Variants in PTPN4 observed in about 807,000 individuals in gnomAD.
PTPN4 encodes the protein tyrosine-protein phosphatase non-receptor type 4.
Under a neutral mutation model 135.5 loss-of-function variants are expected in PTPN4, and 49 were observed. The ratio of observed to expected loss-of-function variants is 0.36; its 90% CI spans 0.29 to 0.46. The LOEUF (loss-of-function observed/expected upper bound fraction) is 0.46. Among genes scored for constraint, PTPN4 ranks in the 20% least tolerant of loss-of-function variants. The pLI is 1.00. For synonymous variants in PTPN4, 333 were observed against 369.9 expected (o/e 0.90, Z 1.14); for missense variants, 860 against 1,101.0 (o/e 0.78, Z 3.10).
chr2:119,932,521 T>C lies in PTPN4; in HGVS notation c.1168T>C (p.Ser390Pro), dbSNP rs781516454. ...CAGGTTAGAAACACAAAGTCTTCCA[T>C]CACGATCTCCACCGGGAACTCCTAA... ...DDRLETQSLP[S>P]RSPPGTPNHR... is the part of the protein sequence containing the mutation. Residue 390 changes from serine (S) to proline (P), a missense_variant, in exon 14 of 27, where the codon TCA (serine) becomes CCA (proline). This residue lies in a region of PTPN4 where 684 missense variants were observed against 807.0 expected (regional missense o/e 0.85). Transcript: ENST00000263708. 33 of 1,612,100 alleles carry C rather than the reference T, an allele frequency of 2.0e-5. No homozygotes were observed. The South Asian group carries it at 3.6e-4, about 18-fold the overall frequency.
At chr2:119,830,111 A>G (rs1246073563) in intron 2 of PTPN4, among the ~76,000 whole-genome samples, 1 of 152,162 alleles carries the variant, frequency 6.6e-6, no homozygotes, top group South Asian at 2.1e-4. Context: ...CCATAGTCAC[A>G]AAGGTGTGTA....
chr2:119,855,236 T>C (rs896881159), intron 2 of PTPN4, among the ~76,000 whole-genome samples: 2 of 152,282 alleles, frequency 1.3e-5, no homozygotes, highest in African/African-American at 4.8e-5. Context: ...TAGATCTCTT[T>C]GTCCAGCATA....
rs756879808 is a variant in PTPN4, at chr2:119,900,804, A to G, written c.762A>G (p.Pro254=). The change falls in exon 10 of 27, where the codon CCA becomes CCG. Residue 254 remains proline (P), a splice_region_variant and synonymous_variant. Coordinates refer to ENST00000263708, the MANE Select transcript of PTPN4 (RefSeq NM_002830.4). ...YKNRVRMNTF[P]WLKIVKISFK... is the part of the protein sequence containing the mutation. ...ACAGGGTACGAATGAATACCTTTCCATGGTAAGAACATCTATTGATACTTT... is the reference window on the plus strand; with the variant it reads ...ACAGGGTACGAATGAATACCTTTCCGTGGTAAGAACATCTATTGATACTTT... 5.2e-6 allele frequency: 8 copies of G among 1,529,826 alleles called. No homozygotes were observed. Among genetic ancestry groups the G allele is most frequent in the African/African-American group, 4.1e-5 (3 of 72,352 alleles). 94.8% of individuals were successfully genotyped at this position (1,529,826 alleles called of 1,614,324 possible).
intron 1 of PTPN4, among the ~76,000 whole-genome samples, chr2:119,787,853 C>T (rs1691073657): frequency 6.6e-6 from 1 of 152,066 alleles, no homozygotes; most frequent in Non-Finnish European, 1.5e-5. Context: ...TGTATGTTTT[C>T]CACTTCTAGT....
At position 119,982,388 on chromosome 2, in the gene PTPN4, T is replaced by C. The variant is rs1679708772; in HGVS notation, c.*5318T>C. The C allele has an allele frequency of 6.6e-6, 1 of 152,188 alleles. No individual in the cohort carries two copies. Among genetic ancestry groups the C allele is most frequent in the African/African-American group, 2.4e-5 (1 of 41,446 alleles). The allele number at this position is 152,188 out of a possible 1,614,324, so 9.4% of individuals were successfully genotyped here. On this transcript the variant is annotated 3_prime_UTR_variant, in exon 27 of 27. Transcript: ENST00000263708. ...AATTATGGCTTGATTCTAAGGATACTCTATTTGTTTTAAAGTCTACACGGG... is the reference window on the plus strand; with the variant it reads ...AATTATGGCTTGATTCTAAGGATACCCTATTTGTTTTAAAGTCTACACGGG...
intron 13 of PTPN4, among the ~76,000 whole-genome samples, chr2:119,930,465 A>G (rs979756954): frequency 9.9e-5 from 15 of 152,146 alleles, no homozygotes; most frequent in Admixed American, 3.3e-4. Flanking sequence ...AAATCATAAA[A>G]TTCAGGAGGT....
intron 1 of PTPN4, among the ~76,000 whole-genome samples, chr2:119,782,714 CT>C (rs377756070): frequency 3.1e-4 from 37 of 120,226 alleles, no homozygotes; most frequent in South Asian, 1.0e-3. Flanking sequence ...CCCCACCCCC[CT>C]TTTTTTTTTT....
intron 14 of PTPN4, among the ~76,000 whole-genome samples, chr2:119,934,260 G>T (rs1678949639): frequency 6.6e-6 from 1 of 152,022 alleles, no homozygotes. Context: ...TTATAGTACT[G>T]TTATGAGGAT....
chr2:119,831,633 T>G (rs780384837), intron 2 of PTPN4, among the ~76,000 whole-genome samples: 3 of 152,200 alleles, frequency 2.0e-5, no homozygotes, highest in Non-Finnish European at 4.4e-5. Context: ...GTTAAACTCT[T>G]TAGCTCTGAA....
chr2:119,842,188 T>C (rs982968866), intron 2 of PTPN4, among the ~76,000 whole-genome samples: 8 of 152,214 alleles, frequency 5.3e-5, no homozygotes, highest in African/African-American at 1.9e-4. Context: ...TTGTTTTGTT[T>C]TGTTTTTGAT....
intron 1 of PTPN4, among the ~76,000 whole-genome samples, chr2:119,767,145 T>A (rs976532303): frequency 3.3e-5 from 5 of 152,216 alleles, no homozygotes; most frequent in Non-Finnish European, 4.4e-5. Flanking sequence ...ACCTCGTGCT[T>A]GGCTCAGTAA....
intron 13 of PTPN4, among the ~76,000 whole-genome samples, chr2:119,928,267 C>T (rs185924402): frequency 1.3e-5 from 2 of 152,140 alleles, no homozygotes; most frequent in East Asian, 3.9e-4. Flanking sequence ...TTTTAGGATT[C>T]CTCCCTTTAC....
chr2:119,973,655 GTT>G (rs70949378), intron 26 of PTPN4, among the ~76,000 whole-genome samples: 46 of 38,376 alleles, frequency 1.2e-3, no homozygotes, highest in African/African-American at 2.9e-3. Context: ...TTCATTTCTT[GTT>G]TTTTTTTTTT....
chr2:119,931,433 C>CTTTTTTTTTTTTTT lies in PTPN4; in HGVS notation c.1071-978_1071-965dup, dbSNP rs1158907026. Among the ~76,000 whole-genome samples the CTTTTTTTTTTTTTT allele has an allele frequency of 1.3e-4, 11 of 83,364 alleles. 1 individual carries two copies. Among genetic ancestry groups the CTTTTTTTTTTTTTT allele is most frequent in the African/African-American group, 2.5e-4 (5 of 20,158 alleles). The allele number at this position is 83,364 out of a possible 152,430, so 54.7% of individuals were successfully genotyped here. A position where few individuals can be genotyped will look rare whatever the true frequency, so the allele number is the denominator to read the frequency against. ...TATGAAGATCTTTCTTTCTTTCTTT[C>CTTTTTTTTTTTTTT]TTTTTTTTTTTTTTTTTTTTTTTTT... On this transcript the variant is annotated intron_variant, in intron 13 of 26. Coordinates refer to ENST00000263708, the MANE Select transcript of PTPN4 (RefSeq NM_002830.4).
chr2:119,855,970 A>T (rs1000949607), intron 2 of PTPN4, among the ~76,000 whole-genome samples: 1 of 151,658 alleles, frequency 6.6e-6, no homozygotes, highest in Admixed American at 6.6e-5. Context: ...GCACCCAGCT[A>T]ATTTTTTGTA....
At position 119,983,374 on chromosome 2, in the gene PTPN4, C is replaced by T. The variant is rs1337183714; in HGVS notation, c.*6304C>T. On this transcript the variant is annotated 3_prime_UTR_variant, in exon 27 of 27. Coordinates refer to ENST00000263708, the MANE Select transcript of PTPN4 (RefSeq NM_002830.4). ...TCCCCACTGTCATCACAGTTGAGCT[C>T]ATTTTAACATATATTCAAAGAAGCT... is the stretch of plus-strand genomic sequence containing the variant. 1 of 152,154 alleles carries T rather than the reference C, an allele frequency of 6.6e-6. No homozygotes were observed. The highest frequency in any genetic ancestry group is 6.5e-5 in the Admixed American group (1 of 15,270). 9.4% of individuals were successfully genotyped at this position (152,154 alleles called of 1,614,324 possible). A position where few individuals can be genotyped will look rare whatever the true frequency, so the allele number is the denominator to read the frequency against.
chr2:119,765,727 GA>G (rs1558718562), intron 1 of PTPN4, among the ~76,000 whole-genome samples: 1 of 152,212 alleles, frequency 6.6e-6, no homozygotes, highest in Admixed American at 6.5e-5. Flanking sequence ...AAGATCTGGG[GA>G]AAAGAAGTGG....
intron 10 of PTPN4, among the ~76,000 whole-genome samples, chr2:119,906,719 G>A (rs1340828534): frequency 6.6e-6 from 1 of 152,168 alleles, no homozygotes; most frequent in Non-Finnish European, 1.5e-5. Context: ...ATACAGAACA[G>A]GTCAAAGCTG....
chr2:119,963,717 G>A (rs959081231), intron 24 of PTPN4, among the ~76,000 whole-genome samples: 20 of 152,196 alleles, frequency 1.3e-4, no homozygotes, highest in African/African-American at 4.8e-4. Context: ...GAGTCCATCA[G>A]AATGAATTTA....
Sources: gnomAD v4.1 joint callset for allele counts (sites outside exome capture counted in the v4.1 genomes callset) on GRCh38, gnomAD v4.1.1 for gene constraint, gnomAD v4.1.1 regional missense constraint, MANE v1.5 for transcripts, NCBI Gene and HGNC (gene_info 2026-07-23, HGNC 2026-07-21) for gene names.